The following ATOSA variants were observed in gnomAD, a reference collection of about 807,000 sequenced individuals.
ATOSA encodes atos homolog protein A.
chr15:52,597,458 G>T, the ATOSA span, among the ~76,000 whole-genome samples: 1 of 152,140 alleles, frequency 6.6e-6, no homozygotes, highest in Non-Finnish European at 1.5e-5. Context: ...CTCTTGATAT[G>T]CAGGACAACA....
chr15:52,635,340 C>G, the ATOSA span, among the ~76,000 whole-genome samples: 273 of 152,250 alleles, frequency 1.8e-3, 1 homozygote, highest in East Asian at 0.025. Flanking sequence ...ACCAGATGCA[C>G]ACAAAACATT....
chr15:52,647,241 TA>T, the ATOSA span, among the ~76,000 whole-genome samples: 3,716 of 150,872 alleles, frequency 0.025, 140 homozygotes, highest in African/African-American at 0.083. Flanking sequence ...TTAGTTTATG[TA>T]AAAAAAAAAA....
chr15:52,609,469 C>T, the ATOSA span: 71 of 1,613,528 alleles, frequency 4.4e-5, no homozygotes, highest in South Asian at 6.2e-4. Flanking sequence ...AACATCTTGC[C>T]GCTCCTGGAG....
the ATOSA span, chr15:52,649,347 G>C: frequency 2.0e-5 from 3 of 152,084 alleles, no homozygotes; most frequent in Non-Finnish European, 4.4e-5. Flanking sequence ...GATAATACCT[G>C]AAGTAGGAAC....
At chr15:52,662,189 G>T in the ATOSA span, among the ~76,000 whole-genome samples, 3 of 152,072 alleles carry the variant, frequency 2.0e-5, no homozygotes, top group Non-Finnish European at 4.4e-5. Flanking sequence ...GCTTTAGTGT[G>T]AAAGTGTTTA....
chr15:52,613,592 TA>T, the ATOSA span: 3 of 1,376,698 alleles, frequency 2.2e-6, no homozygotes, highest in Non-Finnish European at 3.0e-6. Flanking sequence ...ATGACAATTA[TA>T]ACTGTAATAA....
chr15:52,615,716 T>C, the ATOSA span, among the ~76,000 whole-genome samples: 3 of 152,200 alleles, frequency 2.0e-5, no homozygotes, highest in Non-Finnish European at 2.9e-5. Context: ...GAGTAAACTT[T>C]ATTAAACTGG....
chr15:52,659,737 T>C, the ATOSA span, among the ~76,000 whole-genome samples: 1 of 152,258 alleles, frequency 6.6e-6, no homozygotes, highest in South Asian at 2.1e-4. Flanking sequence ...AACAGTAAAA[T>C]GACTATTAGG....
At chr15:52,611,106 C>CTT in the ATOSA span, 1 of 1,555,654 alleles carries the variant, frequency 6.4e-7, no homozygotes, top group Admixed American at 1.9e-5. Flanking sequence ...ACGCACTGTC[C>CTT]TTTTTTTTTG....
At chr15:52,618,046 C>CT in the ATOSA span, among the ~76,000 whole-genome samples, 3 of 29,510 alleles carry the variant, frequency 1.0e-4, no homozygotes, top group African/African-American at 3.0e-4. Flanking sequence ...ATCAATTTTT[C>CT]CTTTTTTTTT....
the ATOSA span, chr15:52,585,158 G>T: frequency 2.4e-6 from 1 of 408,980 alleles, no homozygotes; most frequent in Non-Finnish European, 4.3e-6. Context: ...AATAATATAA[G>T]GTCCAATAAC....
At chr15:52,588,406 T>G in the ATOSA span, among the ~76,000 whole-genome samples, 2 of 152,152 alleles carry the variant, frequency 1.3e-5, no homozygotes, top group African/African-American at 4.8e-5. Context: ...GATAACCAAA[T>G]GACTATCAGT....
At chr15:52,684,835 C>A in the ATOSA span, among the ~76,000 whole-genome samples, 7 of 152,144 alleles carry the variant, frequency 4.6e-5, no homozygotes, top group Non-Finnish European at 1.0e-4. Flanking sequence ...CCTTGGCCCC[C>A]CAAAGTGTTG....
At chr15:52,597,189 TATTCTATTCTATTC>T in the ATOSA span, among the ~76,000 whole-genome samples, 4 of 149,662 alleles carry the variant, frequency 2.7e-5, no homozygotes, top group African/African-American at 7.4e-5. Flanking sequence ...TATTCTATTC[TATTCTATTCTATTC>T]TATTCTATTC....
At chr15:52,584,822 T>C in the ATOSA span, 2 of 1,613,604 alleles carry the variant, frequency 1.2e-6, no homozygotes, top group South Asian at 1.1e-5. Flanking sequence ...TCTTCACTTC[T>C]TGTTTAACAG....
the ATOSA span, chr15:52,586,392 C>G: frequency 5.3e-5 from 8 of 152,150 alleles, no homozygotes; most frequent in South Asian, 2.1e-4. Context: ...AAGTACTGAA[C>G]ACACTGAGGT....
chr15:52,654,587 A>C, the ATOSA span, among the ~76,000 whole-genome samples: 134,443 of 152,174 alleles, frequency 0.88, 59,520 homozygotes, highest in East Asian at 1. Context: ...CCTCCGGAAC[A>C]CACTTAGCAT....
chr15:52,589,217 A>G, the ATOSA span, among the ~76,000 whole-genome samples: 1 of 152,242 alleles, frequency 6.6e-6, no homozygotes, highest in African/African-American at 2.4e-5. Context: ...AATCTGCCCT[A>G]CGTGCCTAAT....
the ATOSA span, chr15:52,586,662 A>G: frequency 3.2e-5 from 5 of 157,212 alleles, no homozygotes; most frequent in Middle Eastern, 3.3e-3. Context: ...CAATGCCTAG[A>G]CCAAAAGGAA....
Sources: allele counts gnomAD v4.1 joint callset (sites outside exome capture counted in the v4.1 genomes callset), GRCh38; gene constraint gnomAD v4.1.1; transcripts MANE v1.5; gene names NCBI Gene and HGNC (gene_info 2026-07-23, HGNC 2026-07-21).